PRIMPOL: variants seen among roughly 807,000 people sequenced by gnomAD.
The protein encoded by PRIMPOL is DNA-directed primase/polymerase protein.
In PRIMPOL, 54 loss-of-function variants were observed where a neutral mutation model predicts 63.6. The ratio of observed to expected loss-of-function variants is 0.85; its 90% CI spans 0.68 to 1.07. PRIMPOL has a LOEUF of 1.07. PRIMPOL is among the 50% of genes least tolerant of loss of function. The pLI is 0.00. For synonymous variants in PRIMPOL, 197 were observed against 220.2 expected (o/e 0.89, Z 0.93); for missense variants, 610 against 648.3 (o/e 0.94, Z 0.64).
Position 184,682,334 on chromosome 4 carries a change from C to T in PRIMPOL, c.1094C>T (p.Ser365Leu). The stretch of plus-strand genomic sequence containing the variant: ...GGATATTTTAACAGTATCGGCACTT[C>T]AGGTAAATTTTTTGATGTTTGTTTT... ...GVGYFNSIGT[S>L]VETIEGFQCS... Residue 365 changes from serine (S) to leucine (L), a missense_variant and splice_region_variant, in exon 9 of 14, where the codon TCA (serine) becomes TTA (leucine). Physicochemically the swap from Ser to Leu is moderately radical, Grantham distance 145. Coordinates refer to ENST00000314970, the MANE Select transcript of PRIMPOL (RefSeq NM_152683.4). 1 of 1,552,906 alleles carries T rather than the reference C, an allele frequency of 6.4e-7. No individual in the cohort carries two copies. Among genetic ancestry groups the T allele is most frequent in the East Asian group, 2.3e-5 (1 of 44,398 alleles).
intron 13 of PRIMPOL, among the ~76,000 whole-genome samples, chr4:184,693,632 T>G (rs977502012): frequency 1.3e-5 from 2 of 152,236 alleles, no homozygotes; most frequent in African/African-American, 4.8e-5. Context: ...TTAAATTTAC[T>G]ATAAAGGCCT....
Position 184,666,048 on chromosome 4 carries a change from A to C in PRIMPOL, c.540A>C (p.Lys180Asn). 1 of 1,605,800 alleles carries C rather than the reference A, an allele frequency of 6.2e-7. No individual in the cohort carries two copies. The highest frequency in any genetic ancestry group is 1.1e-5 in the South Asian group (1 of 89,242). Residue 180 changes from lysine (K) to asparagine (N), a missense_variant, in exon 6 of 14, where the codon AAA becomes AAC. Transcript: ENST00000314970. The part of the protein sequence containing the change: ...LIFQLHDVAF[K>N]DNIHVGNFLR... ...TTCAGCTCCATGATGTGGCATTTAA[A>C]GATAATATTCATGTTGGTAAGTACA...
chr4:184,654,488 T>C (rs1745698571), intron 2 of PRIMPOL, among the ~76,000 whole-genome samples: 3 of 92,582 alleles, frequency 3.2e-5, no homozygotes. Flanking sequence ...TCTCGCTCCG[T>C]TGCCCAGGCT....
chr4:184,671,868 A>G (rs539965846), intron 6 of PRIMPOL, among the ~76,000 whole-genome samples: 17 of 149,158 alleles, frequency 1.1e-4, no homozygotes, highest in South Asian at 4.2e-4. Flanking sequence ...TCAGCCTCCC[A>G]AGTAGCTGGG....
intron 7 of PRIMPOL, among the ~76,000 whole-genome samples, chr4:184,673,990 G>A (rs1270523998): frequency 6.6e-6 from 1 of 152,174 alleles, no homozygotes; most frequent in African/African-American, 2.4e-5. Context: ...TTTATTACCA[G>A]AATATCATCT....
At position 184,672,378 on chromosome 4, in the gene PRIMPOL, G is replaced by T; in HGVS notation, c.762G>T (p.Gly254=). The T allele has an allele frequency of 6.2e-7, 1 of 1,614,182 alleles. No homozygotes were observed. The highest frequency in any genetic ancestry group is 8.5e-7 in the Non-Finnish European group (1 of 1,180,020). The stretch of plus-strand genomic sequence containing the variant: ...ATTCAAAGAAACTGGAGAGGCTGGG[G>T]TCAGCTGAGCAAAGCAGTCCTGACC... The part of the protein sequence containing the change: ...TSNSKKLERL[G]SAEQSSPDLS... The change falls in exon 7 of 14, where the codon GGG becomes GGT. Residue 254 remains glycine, a synonymous_variant. Coordinates refer to ENST00000314970, the MANE Select transcript of PRIMPOL (RefSeq NM_152683.4).
intron 8 of PRIMPOL, among the ~76,000 whole-genome samples, chr4:184,679,924 C>T (rs1755154833): frequency 6.6e-6 from 1 of 152,142 alleles, no homozygotes; most frequent in Non-Finnish European, 1.5e-5. Context: ...TTCCAGGAAA[C>T]CGGTTCCTGG....
intron 13 of PRIMPOL, among the ~76,000 whole-genome samples, chr4:184,693,421 T>C (rs28515825): frequency 0.012 from 1,858 of 152,306 alleles, 41 homozygotes; most frequent in South Asian, 0.04. Flanking sequence ...AAAGTACCAT[T>C]GGTCAGTATT....
In PRIMPOL at chr4:184,672,454, G is replaced by C. The variant is rs777270041; in HGVS notation, c.838G>C (p.Asp280His). 1 of 1,603,722 alleles carries C rather than the reference G, an allele frequency of 6.2e-7. No individual in the cohort carries two copies. Among genetic ancestry groups the C allele is most frequent in the South Asian group, 1.1e-5 (1 of 89,002 alleles). ...CATGGGAGAGAAGCATCTTTTTGTAGATCTCGGTAAGTAAGATTGACAGCT... is the reference window on the plus strand; with the variant it reads ...CATGGGAGAGAAGCATCTTTTTGTACATCTCGGTAAGTAAGATTGACAGCT... ...NNMGEKHLFV[D>H]LGVYTRNRNF... Residue 280 changes from aspartate (D) to histidine (H), a missense_variant, in exon 7 of 14, where the codon GAT (aspartate) becomes CAT (histidine). Asp to His is a moderately conservative substitution (Grantham distance 81). Around this residue, in one of 3 missense-constraint regions of PRIMPOL, gnomAD observed 444 missense variants for 456.4 expected, o/e 0.97. Transcript: ENST00000314970.
At chr4:184,675,121 G>A (rs1752942797) in intron 7 of PRIMPOL, among the ~76,000 whole-genome samples, 1 of 152,214 alleles carries the variant, frequency 6.6e-6, no homozygotes, top group South Asian at 2.1e-4. Flanking sequence ...ATCACACTGT[G>A]TTGTAAGCAG....
At chr4:184,666,294 C>CA (rs1215072414) in intron 6 of PRIMPOL, among the ~76,000 whole-genome samples, 1 of 152,066 alleles carries the variant, frequency 6.6e-6, no homozygotes, top group Non-Finnish European at 1.5e-5. Context: ...GCCAAGCTGG[C>CA]AAAACCCTGT....
intron 13 of PRIMPOL, among the ~76,000 whole-genome samples, chr4:184,693,621 T>C (rs1308623173): frequency 6.6e-6 from 1 of 152,178 alleles, no homozygotes; most frequent in African/African-American, 2.4e-5. Flanking sequence ...GTCACTTGAT[T>C]TTAAATTTAC....
chr4:184,687,635 A>T (rs917169417), intron 11 of PRIMPOL, among the ~76,000 whole-genome samples: 3 of 151,916 alleles, frequency 2.0e-5, no homozygotes, highest in African/African-American at 4.8e-5. Context: ...GTTTTTTGAG[A>T]CAGAGTTTTG....
intron 9 of PRIMPOL, among the ~76,000 whole-genome samples, chr4:184,683,437 AGT>A (rs1297165923): frequency 6.6e-6 from 1 of 150,426 alleles, no homozygotes; most frequent in African/African-American, 2.5e-5. Context: ...AAAAAAAAAA[AGT>A]ATTATTCACT....
intron 8 of PRIMPOL, among the ~76,000 whole-genome samples, chr4:184,679,594 G>C (rs1485702977): frequency 6.6e-6 from 1 of 152,226 alleles, no homozygotes; most frequent in Non-Finnish European, 1.5e-5. Context: ...GAATCCAGTT[G>C]TTTTTCTCAT....
Position 184,685,669 on chromosome 4 carries a change from A to G in PRIMPOL, c.1280A>G (p.Lys427Arg), listed in dbSNP as rs769365918. Residue 427 changes from lysine to arginine, a missense_variant, in exon 11 of 14, where the codon AAG (lysine) becomes AGG (arginine). Around this residue, in one of 3 missense-constraint regions of PRIMPOL, gnomAD observed 444 missense variants for 456.4 expected, o/e 0.97. Coordinates refer to ENST00000314970, the MANE Select transcript of PRIMPOL (RefSeq NM_152683.4). Reference protein sequence around the residue: ...RWCENIGRAHKSNNIMILVDL... With the variant: ...RWCENIGRAHRSNNIMILVDL... Reference sequence around the variant, plus strand: ...TGTGAAAACATTGGAAGAGCCCATAAGAGTAATAATATAATGTAAGTAATA... The same window carrying G: ...TGTGAAAACATTGGAAGAGCCCATAGGAGTAATAATATAATGTAAGTAATA... The G allele has an allele frequency of 1.2e-4, 175 of 1,510,752 alleles. No individual in the cohort carries two copies. The highest frequency in any genetic ancestry group is 1.6e-4 in the Non-Finnish European group (173 of 1,087,848). 93.6% of individuals were successfully genotyped at this position (1,510,752 alleles called of 1,614,324 possible).
intron 13 of PRIMPOL, among the ~76,000 whole-genome samples, chr4:184,692,319 C>CA (rs1450959062): frequency 6.6e-6 from 1 of 151,586 alleles, no homozygotes; most frequent in East Asian, 1.9e-4. Context: ...ACTAAAAACA[C>CA]AAAAATTAGC....
At chr4:184,651,333 A>C (rs1036422556) in intron 1 of PRIMPOL, among the ~76,000 whole-genome samples, 1 of 152,144 alleles carries the variant, frequency 6.6e-6, no homozygotes, top group Non-Finnish European at 1.5e-5. Context: ...GCTGTTGCTA[A>C]AAAGACAGTC....
At chr4:184,655,886 T>C (rs1217440904) in intron 2 of PRIMPOL, among the ~76,000 whole-genome samples, 2 of 152,208 alleles carry the variant, frequency 1.3e-5, no homozygotes. Context: ...GGAACTCTAT[T>C]AATTACCTAT....
Sources: gnomAD v4.1 joint callset for allele counts (sites outside exome capture counted in the v4.1 genomes callset) on GRCh38, gnomAD v4.1.1 for gene constraint, gnomAD v4.1.1 regional missense constraint, MANE v1.5 for transcripts, NCBI Gene and HGNC (gene_info 2026-07-23, HGNC 2026-07-21) for gene names.